The following CELA3B variants were observed in gnomAD, a reference collection of about 807,000 sequenced individuals.
CELA3B encodes chymotrypsin-like elastase family member 3B.
CELA3B carries 34 observed loss-of-function variants against 37.2 expected under a neutral mutation model. That is an observed-to-expected ratio of 0.91 (90% CI 0.70 to 1.22). The LOEUF is 1.22. CELA3B is among the 50% of genes most tolerant of loss of function. CELA3B has a pLI of 0.00. For synonymous variants in CELA3B, 127 were observed against 143.5 expected, an observed-to-expected ratio of 0.89 and a Z score of 0.82; for missense variants, 340 against 363.1, an observed-to-expected ratio of 0.94 and a Z score of 0.52.
At chr1:21,997,043 A>G (rs554158780) in intron 4 of CELA3B, among the ~76,000 whole-genome samples, 2 of 151,478 alleles carry the variant, frequency 1.3e-5, no homozygotes, top group East Asian at 3.9e-4. Flanking sequence ...TCCAGAGAAG[A>G]GGAGTAAGTG....
At chr1:21,983,578 T>G in intron 4 of CELA3B, 116 bp from the exon 5 acceptor site, 1 of 1,445,964 alleles carries the variant, frequency 6.9e-7, no homozygotes, top group Non-Finnish European at 9.4e-7. Flanking sequence ...AAGAGTGGAT[T>G]TGGAGGGTGA....
chr1:21,980,841 G>A lies in CELA3B; in HGVS notation c.147G>A (p.Glu49=). 4.4e-6 allele frequency: 7 copies of A among 1,602,384 alleles called. No homozygotes were observed. Among genetic ancestry groups the A allele is most frequent in the Non-Finnish European group, 6.0e-6 (7 of 1,172,406 alleles). Reference sequence around the variant, plus strand: ...GCCACCAGGTTTCCCTGCAGTATGAGAAAAGCGGAAGCTTCTACCACACCT... The same window carrying A: ...GCCACCAGGTTTCCCTGCAGTATGAAAAAAGCGGAAGCTTCTACCACACCT... The part of the protein sequence containing the change: ...SWPWQVSLQY[E]KSGSFYHTCG... The change falls in exon 3 of 8, where the codon GAG becomes GAA. Residue 49 remains glutamate (E), a synonymous_variant. Coordinates refer to ENST00000337107, the MANE Select transcript of CELA3B (RefSeq NM_007352.4).
At chr1:21,996,502 C>T (rs2152818378) in intron 4 of CELA3B, among the ~76,000 whole-genome samples, 1 of 151,242 alleles carries the variant, frequency 6.6e-6, no homozygotes, top group East Asian at 2.0e-4. Flanking sequence ...CATGAATAAT[C>T]CACCCCTTGT....
chr1:21,981,342 C>T (rs1163450639), intron 4 of CELA3B, among the ~76,000 whole-genome samples, 170 bp downstream of exon 4: 3 of 136,488 alleles, frequency 2.2e-5, no homozygotes, highest in Non-Finnish European at 3.2e-5. Context: ...CCAGAAGAGC[C>T]TTTAAGGACC....
downstream of CELA3B, chr1:21,989,391 C>T (rs201709340): frequency 3.0e-4 from 257 of 843,212 alleles, 1 homozygote; most frequent in East Asian, 2.7e-3. Context: ...CACCTCTTCC[C>T]CTCTGGCCTG....
intron 7 of CELA3B, among the ~76,000 whole-genome samples, chr1:21,988,907 C>CAA (rs1644856082): frequency 1.1e-5 from 1 of 89,734 alleles, no homozygotes; most frequent in African/African-American, 2.9e-5. Context: ...AAAAAAACTC[C>CAA]AAAAATATAT....
chr1:21,986,565 A>T lies in CELA3B; in HGVS notation c.677A>T (p.Glu226Val). Residue 226 changes from glutamate (E) to valine (V), a missense_variant, in exon 7 of 8, where the codon GAG (glutamate) becomes GTG (valine). By Grantham distance (121) the Glu-to-Val change is moderately radical. Coordinates refer to ENST00000337107, the MANE Select transcript of CELA3B (RefSeq NM_007352.4). Reference protein sequence around the residue: ...DSGGPLNCPTEDGGWQVHGVT... With the variant: ...DSGGPLNCPTVDGGWQVHGVT... ...GGAGGACCCCTCAACTGCCCCACAG[A>T]GGATGGTGGCTGGCAGGTCCATGGC... 1 of 1,614,058 alleles carries T rather than the reference A, an allele frequency of 6.2e-7. No homozygotes were observed. Among genetic ancestry groups the T allele is most frequent in the Non-Finnish European group, 8.5e-7 (1 of 1,180,002 alleles).
intron 4 of CELA3B, chr1:21,998,096 T>A: frequency 2.1e-6 from 1 of 468,878 alleles, no homozygotes; most frequent in Non-Finnish European, 4.4e-6. Flanking sequence ...TTCCCTTAAG[T>A]CTAAGGTATT....
At chr1:21,983,567 A>ATGATG in intron 4 of CELA3B, 127 bp from the exon 5 acceptor site, 17 of 1,402,744 alleles carry the variant, frequency 1.2e-5, no homozygotes, top group African/African-American at 2.9e-5. Context: ...GATGATGATG[A>ATGATG]AAGAGTGGAT....
chr1:21,986,868 G>A, intron 7 of CELA3B, 185 bp downstream of exon 7: 1 of 675,524 alleles, frequency 1.5e-6, no homozygotes, highest in Non-Finnish European at 2.5e-6. Flanking sequence ...CCAGGAACTT[G>A]ATGGCTTCTG....
chr1:21,993,259 G>A (rs1475213429), downstream of CELA3B, among the ~76,000 whole-genome samples: 1 of 151,172 alleles, frequency 6.6e-6, no homozygotes, highest in African/African-American at 2.4e-5. Context: ...TCAGGAGTTC[G>A]AGACCAGACT....
At chr1:21,990,981 GAC>G (rs1301627296), downstream of CELA3B, among the ~76,000 whole-genome samples, 2 of 55,308 alleles carry the variant, frequency 3.6e-5, no homozygotes, top group African/African-American at 1.2e-4. Flanking sequence ...TCCCAGCAAG[GAC>G]ACACACAAAT....
chr1:21,991,936 A>G (rs1049275793), downstream of CELA3B, among the ~76,000 whole-genome samples: 1 of 150,788 alleles, frequency 6.6e-6, no homozygotes, highest in Non-Finnish European at 1.5e-5. Context: ...CCTGGCCAAC[A>G]TGGTGAAGCC....
intron 4 of CELA3B, 97 bp from the exon 5 acceptor site, chr1:21,983,597 G>C (rs1355590496): frequency 1.2e-5 from 18 of 1,530,672 alleles, no homozygotes; most frequent in Non-Finnish European, 1.6e-5. Context: ...GAAGGAGCTG[G>C]GGCATCTCAG....
At chr1:21,996,784 T>A (rs1311792386) in intron 4 of CELA3B, among the ~76,000 whole-genome samples, 1 of 150,850 alleles carries the variant, frequency 6.6e-6, no homozygotes, top group Non-Finnish European at 1.5e-5. Context: ...CCAGCCGGGA[T>A]GATGCCTTCC....
intron 6 of CELA3B, among the ~76,000 whole-genome samples, chr1:21,985,508 G>T (rs1176908697): frequency 6.6e-6 from 1 of 151,798 alleles, no homozygotes; most frequent in Non-Finnish European, 1.5e-5. Flanking sequence ...TAACTCTTGG[G>T]CTCAAGTGAT....
chr1:21,996,810 C>G (rs1469811393), intron 4 of CELA3B, among the ~76,000 whole-genome samples: 1 of 150,954 alleles, frequency 6.6e-6, no homozygotes, highest in Non-Finnish European at 1.5e-5. Context: ...ACAAGAGATA[C>G]CTGCATACTG....
chr1:21,995,029 T>C (rs1436502827), intron 4 of CELA3B, among the ~76,000 whole-genome samples: 3 of 142,752 alleles, frequency 2.1e-5, no homozygotes, highest in Non-Finnish European at 4.6e-5. Context: ...AAAAAAATCC[T>C]AATTGTTTCA....
chr1:21,992,591 GGT>G, downstream of CELA3B, among the ~76,000 whole-genome samples: 1 of 151,506 alleles, frequency 6.6e-6, no homozygotes, highest in East Asian at 1.9e-4. Context: ...AGGAGCAGGG[GGT>G]GTGTTAGGGT....
Sources: allele counts gnomAD v4.1 joint callset (sites outside exome capture counted in the v4.1 genomes callset), GRCh38; gene constraint gnomAD v4.1.1; transcripts MANE v1.5; gene names NCBI Gene and HGNC (gene_info 2026-07-23, HGNC 2026-07-21).